Variants in RIMS2 observed in about 807,000 individuals in gnomAD.
RIMS2 encodes regulating synaptic membrane exocytosis protein 2.
RIMS2 carries 59 observed loss-of-function variants against 174.4 expected under a neutral mutation model. That is an observed-to-expected ratio of 0.34 (90% CI 0.27 to 0.42). The LOEUF (loss-of-function observed/expected upper bound fraction) is 0.42. Ranked by LOEUF, RIMS2 falls within the 10% of genes least tolerant of loss-of-function variation. The probability of loss-of-function intolerance (pLI) is 1.00; values close to 1 mark genes in which losing one functional copy is unlikely to be tolerated. For missense variants in RIMS2, 1,620 were observed against 1,666.3 expected, an observed-to-expected ratio of 0.97 and a Z score of 0.48; for synonymous variants, 606 against 572.5, an observed-to-expected ratio of 1.06 and a Z score of -0.84.
chr8:104,055,788 CTT>C (rs1429032462), intron 19 of RIMS2, among the ~76,000 whole-genome samples: 2 of 152,136 alleles, frequency 1.3e-5, no homozygotes, highest in African/African-American at 2.4e-5. Context: ...GTCTGGGACT[CTT>C]TTTCCTGCAC....
At chr8:104,138,494 T>C (rs760145978) in intron 19 of RIMS2, among the ~76,000 whole-genome samples, 1 of 152,206 alleles carries the variant, frequency 6.6e-6, no homozygotes, top group African/African-American at 2.4e-5. Flanking sequence ...TATTTCATTG[T>C]AGTTTTGATT....
chr8:104,214,572 C>T (rs1465458767), intron 19 of RIMS2, among the ~76,000 whole-genome samples: 1 of 152,006 alleles, frequency 6.6e-6, no homozygotes, highest in Non-Finnish European at 1.5e-5. Context: ...CTCAGCCTCC[C>T]GAGTAGCTGA....
chr8:103,621,517 C>T (rs142883905), intron 1 of RIMS2, among the ~76,000 whole-genome samples: 8,416 of 152,256 alleles, frequency 0.055, 297 homozygotes, highest in South Asian at 0.076. Context: ...TATAAGCATG[C>T]CAGGGCAAAT....
At chr8:104,012,590 A>G (rs2095797863) in intron 17 of RIMS2, among the ~76,000 whole-genome samples, 2 of 152,110 alleles carry the variant, frequency 1.3e-5, no homozygotes, top group African/African-American at 4.8e-5. Context: ...AGCCAAAGCT[A>G]GTGTTTTTAA....
Position 103,823,985 on chromosome 8 carries a change from C to T in RIMS2, c.698+57448C>T, listed in dbSNP as rs182697316. Among the ~76,000 whole-genome samples the T allele has an allele frequency of 6.7e-4, 102 of 151,890 alleles. 1 individual carries two copies. The highest frequency in any genetic ancestry group is 6.6e-3 in the Admixed American group (100 of 15,234). ...ATATTTTTATAACTATAACATTATT[C>T]ATTATAGGCATAAAAGCTTATAACA... On this transcript the variant is annotated intron_variant, in intron 3 of 23. Transcript: ENST00000504942.
chr8:103,779,834 A>G (rs1388762968), intron 3 of RIMS2, among the ~76,000 whole-genome samples: 2 of 151,380 alleles, frequency 1.3e-5, no homozygotes, highest in South Asian at 2.1e-4. Flanking sequence ...GCACACCAAC[A>G]TGGCACATAT....
At chr8:103,783,331 A>G (rs1291855444) in intron 3 of RIMS2, among the ~76,000 whole-genome samples, 1 of 149,980 alleles carries the variant, frequency 6.7e-6, no homozygotes, top group East Asian at 2.0e-4. Context: ...CAGGTTAGTT[A>G]CATATGTATA....
intron 12 of RIMS2, among the ~76,000 whole-genome samples, 153 bp downstream of exon 14, chr8:103,931,546 G>A (rs73699009): frequency 0.23 from 34,530 of 151,940 alleles, 4,146 homozygotes; most frequent in Non-Finnish European, 0.24. Flanking sequence ...ACAAAATAGT[G>A]ACAGTAAATA....
intron 19 of RIMS2, among the ~76,000 whole-genome samples, chr8:104,172,391 T>C (rs1563530563): frequency 6.6e-6 from 1 of 152,208 alleles, no homozygotes; most frequent in African/African-American, 2.4e-5. Flanking sequence ...GCTCTAGTTT[T>C]GGGGCTGGCA....
chr8:103,989,502 A>G (rs955926082), intron 17 of RIMS2, 81 bp downstream of exon 19: 4 of 676,754 alleles, frequency 5.9e-6, no homozygotes, highest in Non-Finnish European at 2.5e-6. Context: ...AAATATTTTC[A>G]CATATTCCTT....
intron 19 of RIMS2, 38 bp from the exon 23 acceptor site, chr8:104,068,474 C>T: frequency 1.1e-6 from 1 of 935,176 alleles, no homozygotes; most frequent in Non-Finnish European, 1.6e-6. Flanking sequence ...GAAATAAGAA[C>T]TGAACATTAA....
chr8:104,167,366 C>A (rs2098804125), intron 19 of RIMS2, among the ~76,000 whole-genome samples: 1 of 152,132 alleles, frequency 6.6e-6, no homozygotes, highest in Non-Finnish European at 1.5e-5. Flanking sequence ...TAATTATGGC[C>A]ACTCTTGCAG....
intron 1 of RIMS2, among the ~76,000 whole-genome samples, chr8:103,549,616 A>G (rs1397742192): frequency 3.9e-5 from 6 of 152,184 alleles, no homozygotes. Context: ...ATTCACACAT[A>G]ACAATATTAA....
At chr8:103,807,798 T>A (rs1257165084) in intron 3 of RIMS2, among the ~76,000 whole-genome samples, 1 of 152,102 alleles carries the variant, frequency 6.6e-6, no homozygotes, top group African/African-American at 2.4e-5. Context: ...TTTTCTATTT[T>A]CACATTTGGT....
intron 19 of RIMS2, among the ~76,000 whole-genome samples, chr8:104,112,512 GTAAACTTGAGAGACTGAC>G (rs2098206614): frequency 2.0e-5 from 3 of 151,970 alleles, no homozygotes; most frequent in Non-Finnish European, 4.4e-5. Flanking sequence ...GATGTTAACC[GTAAACTTGAGAGACTGAC>G]AGACCAGATT....
chr8:103,857,335 C>T (rs2099033441), intron 3 of RIMS2, among the ~76,000 whole-genome samples: 1 of 152,138 alleles, frequency 6.6e-6, no homozygotes. Context: ...TGAAATTCTT[C>T]AAATCAGTTG....
chr8:103,563,717 C>A (rs915428691), intron 1 of RIMS2, among the ~76,000 whole-genome samples: 1 of 152,060 alleles, frequency 6.6e-6, no homozygotes, highest in South Asian at 2.1e-4. Context: ...TCCATTTTCA[C>A]GCTGGTATTA....
intron 1 of RIMS2, among the ~76,000 whole-genome samples, chr8:103,512,770 G>C (rs1264858713): frequency 2.0e-5 from 3 of 151,962 alleles, no homozygotes; most frequent in Non-Finnish European, 4.4e-5. Flanking sequence ...TGTAGTTCCC[G>C]CTTTACAATT....
intron 1 of RIMS2, among the ~76,000 whole-genome samples, chr8:103,676,485 T>C (rs1477206129): frequency 6.6e-6 from 1 of 152,162 alleles, no homozygotes; most frequent in Non-Finnish European, 1.5e-5. Context: ...CTTTCTTTTT[T>C]CCTTCAGAAC....
Sources: allele counts gnomAD v4.1 joint callset (sites outside exome capture counted in the v4.1 genomes callset), GRCh38; gene constraint gnomAD v4.1.1; transcripts MANE v1.5; gene names NCBI Gene and HGNC (gene_info 2026-07-23, HGNC 2026-07-21).